DOCK4: variants seen among roughly 807,000 people sequenced by gnomAD.
The protein encoded by DOCK4 is dedicator of cytokinesis 4, also known as dedicator of cytokinesis protein 4.
In DOCK4, 97 loss-of-function variants were observed where a neutral mutation model predicts 268.1. The observed-to-expected ratio is 0.36, with a 90% CI of 0.31 to 0.43. The LOEUF (loss-of-function observed/expected upper bound fraction) is 0.43, where lower values mean the gene tolerates loss of function less well. DOCK4 is among the 20% of genes least tolerant of loss of function. The probability of loss-of-function intolerance (pLI) is 1.00; values close to 1 mark genes in which losing one functional copy is unlikely to be tolerated. For synonymous variants in DOCK4, 954 were observed against 887.2 expected (o/e 1.08, Z -1.34); for missense variants, 2,145 against 2,455.7 (o/e 0.87, Z 2.67).
At chr7:111,941,236 G>C (rs552984221) in intron 10 of DOCK4, among the ~76,000 whole-genome samples, 2 of 152,162 alleles carry the variant, frequency 1.3e-5, no homozygotes, top group African/African-American at 4.8e-5. Context: ...TGTGCAAAAT[G>C]TAAGAATTTA....
In DOCK4 at chr7:112,085,471, C is replaced by T. The variant is rs574878691; in HGVS notation, c.38-81340G>A. Among the ~76,000 whole-genome samples, 7 of 151,946 alleles carry T rather than the reference C, an allele frequency of 4.6e-5. No homozygotes were observed. The East Asian group carries it at 9.7e-4, about 21-fold the overall frequency. ...GAAAATTTCAATGATTCATTACTGC[C>T]GGTTGCCAGGGTACAAATTTATGAT... On this transcript the variant is annotated intron_variant, in intron 1 of 52. Coordinates refer to ENST00000428084, the MANE Select transcript of DOCK4 (RefSeq NM_001363540.2).
chr7:111,860,449 A>G (rs1805411844), intron 23 of DOCK4, among the ~76,000 whole-genome samples: 1 of 152,208 alleles, frequency 6.6e-6, no homozygotes, highest in Non-Finnish European at 1.5e-5. Context: ...AGCAAGCCAC[A>G]TCCTGCTGCG....
chr7:112,091,946 G>A (rs1809671406), intron 1 of DOCK4, among the ~76,000 whole-genome samples: 1 of 152,124 alleles, frequency 6.6e-6, no homozygotes, highest in Admixed American at 6.5e-5. Flanking sequence ...ATTTGACCAT[G>A]TCAGTTGCAC....
At chr7:112,192,005 A>G (rs1443134174) in intron 1 of DOCK4, among the ~76,000 whole-genome samples, 5 of 148,344 alleles carry the variant, frequency 3.4e-5, no homozygotes, top group Admixed American at 6.8e-5. Context: ...TATATATTAT[A>G]TAGTATATAA....
chr7:112,177,652 G>C (rs1818648884), intron 1 of DOCK4, among the ~76,000 whole-genome samples: 1 of 152,110 alleles, frequency 6.6e-6, no homozygotes, highest in African/African-American at 2.4e-5. Flanking sequence ...CTAATCACAT[G>C]GAAATGACTG....
chr7:112,140,707 C>G (rs1263663030), intron 1 of DOCK4, among the ~76,000 whole-genome samples: 3 of 150,046 alleles, frequency 2.0e-5, no homozygotes, highest in African/African-American at 4.9e-5. Flanking sequence ...ATTTTTTTTC[C>G]TTGCCTTTCA....
At chr7:111,906,570 A>G (rs1791592917) in intron 13 of DOCK4, among the ~76,000 whole-genome samples, 1 of 152,222 alleles carries the variant, frequency 6.6e-6, no homozygotes, top group East Asian at 1.9e-4. Flanking sequence ...GCAGATTAAG[A>G]TCCCCTCCCC....
chr7:112,146,142 G>A (rs759342509), intron 1 of DOCK4, among the ~76,000 whole-genome samples: 3 of 152,138 alleles, frequency 2.0e-5, no homozygotes, highest in African/African-American at 4.8e-5. Flanking sequence ...AGAACCTGAG[G>A]TGACTTTACA....
At chr7:112,131,151 A>C (rs1426457379) in intron 1 of DOCK4, among the ~76,000 whole-genome samples, 1 of 152,184 alleles carries the variant, frequency 6.6e-6, no homozygotes, top group Non-Finnish European at 1.5e-5. Flanking sequence ...CTGTTCTTTG[A>C]AATAATCTAA....
intron 1 of DOCK4, among the ~76,000 whole-genome samples, chr7:112,166,251 T>G (rs1399664291): frequency 6.6e-6 from 1 of 152,152 alleles, no homozygotes; most frequent in Admixed American, 6.6e-5. Flanking sequence ...GCCAAGAGTG[T>G]TTTGTACTTT....
At chr7:112,038,311 C>T (rs761398425) in intron 1 of DOCK4, among the ~76,000 whole-genome samples, 10 of 152,024 alleles carry the variant, frequency 6.6e-5, no homozygotes, top group Non-Finnish European at 1.0e-4. Flanking sequence ...ACTGGGAAGC[C>T]ATAAAGCCAC....
intron 27 of DOCK4, among the ~76,000 whole-genome samples, chr7:111,812,611 C>T (rs1046557908): frequency 6.6e-6 from 1 of 152,034 alleles, no homozygotes; most frequent in Admixed American, 6.6e-5. Context: ...TTTTAAAATG[C>T]AGAGGAAAAA....
intron 1 of DOCK4, among the ~76,000 whole-genome samples, chr7:112,059,996 G>A (rs1010521336): frequency 5.9e-5 from 9 of 152,180 alleles, no homozygotes; most frequent in African/African-American, 1.7e-4. Flanking sequence ...ACGATTAGAA[G>A]CATGTCCAAG....
intron 38 of DOCK4, 136 bp downstream of exon 38, chr7:111,766,896 T>C (rs1036219081): frequency 8.1e-6 from 5 of 621,016 alleles, no homozygotes; most frequent in Admixed American, 6.2e-5. Flanking sequence ...TCTATATAAA[T>C]AGCTAAGTAT....
intron 34 of DOCK4, 82 bp from the exon 35 acceptor site, chr7:111,783,006 G>T (rs878864332): frequency 2.5e-3 from 1,248 of 496,268 alleles, no homozygotes; most frequent in Non-Finnish European, 3.0e-3. Flanking sequence ...GGGAAAAAAA[G>T]AAAGAAAGAA....
chr7:111,895,069 ATTACAAG>A (rs1487920978), intron 16 of DOCK4, among the ~76,000 whole-genome samples: 5 of 113,136 alleles, frequency 4.4e-5, no homozygotes, highest in African/African-American at 2.8e-4. Context: ...TTCTCAGATA[ATTACAAG>A]GGGTTCTCCT....
At chr7:112,180,650 G>A (rs571081131) in intron 1 of DOCK4, among the ~76,000 whole-genome samples, 4 of 152,202 alleles carry the variant, frequency 2.6e-5, no homozygotes, top group East Asian at 3.9e-4. Context: ...CTCCCTGCCT[G>A]TAGATATATA....
chr7:111,895,430 A>AAT (rs1808662611), intron 16 of DOCK4, among the ~76,000 whole-genome samples, 182 bp downstream of exon 16: 1 of 152,258 alleles, frequency 6.6e-6, no homozygotes, highest in Non-Finnish European at 1.5e-5. Context: ...TCATCTCTAA[A>AAT]ATATGTTCTA....
At chr7:112,104,939 T>C (rs1811002847) in intron 1 of DOCK4, among the ~76,000 whole-genome samples, 1 of 152,196 alleles carries the variant, frequency 6.6e-6, no homozygotes, top group Non-Finnish European at 1.5e-5. Context: ...TGGGGGATGA[T>C]ATACATTCAA....
Sources: gnomAD v4.1 joint callset for allele counts (sites outside exome capture counted in the v4.1 genomes callset) on GRCh38, gnomAD v4.1.1 for gene constraint, MANE v1.5 for transcripts, NCBI Gene and HGNC (gene_info 2026-07-23, HGNC 2026-07-21) for gene names.